FBN2: variants seen among roughly 807,000 people sequenced by gnomAD.
The protein encoded by FBN2 is fibrillin-2.
Under a neutral mutation model 355.6 loss-of-function variants are expected in FBN2, and 105 were observed. That is an observed-to-expected ratio of 0.30 (90% CI 0.25 to 0.35). The LOEUF (loss-of-function observed/expected upper bound fraction) is 0.35. FBN2 is among the 10% of genes least tolerant of loss of function. The pLI, the probability that FBN2 is intolerant of heterozygous loss-of-function variation, is 1.00. For missense variants in FBN2, 3,280 were observed against 3,758.7 expected (o/e 0.87, Z 3.33); for synonymous variants, 1,350 against 1,301.2 (o/e 1.04, Z -0.81).
chr5:128,500,078 C>T lies in FBN2; in HGVS notation c.628+19195G>A, dbSNP rs146840098. On this transcript the variant is annotated intron_variant, in intron 5 of 64. Coordinates refer to ENST00000262464, the MANE Select transcript of FBN2 (RefSeq NM_001999.4). ...TCAGCTGCAGTATCACAAACTATAT[C>T]ATCTTCGATTGGAAGCCCCTCCTCC... 1.7e-3 allele frequency among the ~76,000 whole-genome samples: 257 copies of T among 152,278 alleles called. 1 individual carries two copies. The highest frequency in any genetic ancestry group is 3.0e-3 in the Non-Finnish European group (207 of 68,022).
In FBN2 at chr5:128,277,932, T is replaced by C. The variant is rs769956474; in HGVS notation, c.7419A>G (p.Arg2473=). ...TGGTGTAGCCAACCTTGCAGAAGCA[T>C]CGGAATGAGCCCATGGTATTGATGC... ...GQCINTMGSF[R]CFCKVGYTTD... is the part of the protein sequence containing the mutation. Residue 2473 remains arginine (R), a synonymous_variant, in exon 58 of 65, where the codon CGA becomes CGG. Coordinates refer to ENST00000262464, the MANE Select transcript of FBN2 (RefSeq NM_001999.4). 1 of 1,614,096 alleles carries C rather than the reference T, an allele frequency of 6.2e-7. No homozygotes were observed. The highest frequency in any genetic ancestry group is 8.5e-7 in the Non-Finnish European group (1 of 1,179,986).
At chr5:128,363,154 T>C (rs559029469) in intron 18 of FBN2, among the ~76,000 whole-genome samples, 1 of 152,150 alleles carries the variant, frequency 6.6e-6, no homozygotes, top group Non-Finnish European at 1.5e-5. Context: ...CTTTCTCTCT[T>C]TCTTTCTCCA....
At chr5:128,531,881 A>G (rs1756719047) in intron 2 of FBN2, among the ~76,000 whole-genome samples, 1 of 152,156 alleles carries the variant, frequency 6.6e-6, no homozygotes. Flanking sequence ...AGGAAAAAAA[A>G]ATTGCATAAT....
chr5:128,406,376 A>G (rs1752928020), intron 8 of FBN2, among the ~76,000 whole-genome samples: 1 of 152,142 alleles, frequency 6.6e-6, no homozygotes, highest in Admixed American at 6.5e-5. Flanking sequence ...TTCATTCACA[A>G]TTTCATGGAT....
intron 5 of FBN2, among the ~76,000 whole-genome samples, chr5:128,518,912 G>T (rs1455626905): frequency 1.3e-5 from 2 of 152,144 alleles, no homozygotes; most frequent in African/African-American, 2.4e-5. Flanking sequence ...ATTTTGTGGG[G>T]TTTGCAGCCA....
chr5:128,429,409 G>C (rs1320538968), intron 7 of FBN2, among the ~76,000 whole-genome samples: 2 of 152,036 alleles, frequency 1.3e-5, no homozygotes, highest in African/African-American at 4.8e-5. Flanking sequence ...AAAAAAATCG[G>C]AAATGAAATT....
At chr5:128,341,116 G>A (rs1751007183) in intron 25 of FBN2, among the ~76,000 whole-genome samples, 1 of 152,212 alleles carries the variant, frequency 6.6e-6, no homozygotes, top group Non-Finnish European at 1.5e-5. Context: ...CTGCTGTGAA[G>A]ATGAGAGCCA....
chr5:128,381,242 GAA>G (rs752384115), intron 11 of FBN2, among the ~76,000 whole-genome samples: 28 of 151,976 alleles, frequency 1.8e-4, no homozygotes, highest in Admixed American at 1.3e-3. Flanking sequence ...GAATTCTCAA[GAA>G]AAAGAGAAAA....
chr5:128,272,069 G>A lies in FBN2; in HGVS notation c.7890C>T (p.Asn2630=). 10 of 1,614,078 alleles carry A rather than the reference G, an allele frequency of 6.2e-6. No individual in the cohort carries two copies. Among genetic ancestry groups the A allele is most frequent in the Non-Finnish European group, 8.5e-6 (10 of 1,179,972 alleles). The change falls in exon 62 of 65, where the codon AAC becomes AAT. Residue 2630 remains asparagine (N), a synonymous_variant. Transcript: ENST00000262464. ...AGCCACATCTGTAGCCACCCAGGATGTTCTGGCAGCCGTGTTGGCACCTGT... is the reference window on the plus strand; with the variant it reads ...AGCCACATCTGTAGCCACCCAGGATATTCTGGCAGCCGTGTTGGCACCTGT... ...GNHRCQHGCQ[N]ILGGYRCGCP...
chr5:128,514,098 G>C lies in FBN2; in HGVS notation c.628+5175C>G, dbSNP rs925786062. On this transcript the variant is annotated intron_variant, in intron 5 of 64. Transcript: ENST00000262464. The stretch of plus-strand genomic sequence containing the variant: ...CTGCAGTTGGTAACATTCTCTCTCT[G>C]CTTATTGTAATTTTCATTCTACTAA... Among the ~76,000 whole-genome samples, 3 of 151,982 alleles carry C rather than the reference G, an allele frequency of 2.0e-5. No homozygotes were observed. In the East Asian group the frequency reaches 5.8e-4, roughly 29 times the overall value.
intron 2 of FBN2, among the ~76,000 whole-genome samples, chr5:128,531,285 T>C (rs1398509891): frequency 1.3e-5 from 2 of 152,160 alleles, no homozygotes; most frequent in African/African-American, 4.8e-5. Flanking sequence ...TGGAGACTTA[T>C]TATTCTAAGT....
chr5:128,367,420 T>C (rs1482051332), intron 16 of FBN2, among the ~76,000 whole-genome samples: 1 of 152,148 alleles, frequency 6.6e-6, no homozygotes, highest in Non-Finnish European at 1.5e-5. Context: ...AAATCCTGTT[T>C]ATGTACACTG....
rs367867617 is a variant in FBN2, at chr5:128,510,020, C to A, written c.628+9253G>T. ...ATTCTGCTGAAAACTTGAGAGACAGCCTCTGTAGATGTCACAAGTTCTCTC... is the reference window on the plus strand; with the variant it reads ...ATTCTGCTGAAAACTTGAGAGACAGACTCTGTAGATGTCACAAGTTCTCTC... On this transcript the variant is annotated intron_variant, in intron 5 of 64. Coordinates refer to ENST00000262464, the MANE Select transcript of FBN2 (RefSeq NM_001999.4). 5.3e-5 allele frequency among the ~76,000 whole-genome samples: 8 copies of A among 152,262 alleles called. No individual in the cohort carries two copies. In the East Asian group the frequency reaches 9.7e-4, roughly 18 times the overall value.
intron 11 of FBN2, among the ~76,000 whole-genome samples, chr5:128,387,275 G>C (rs186010069): frequency 2.0e-5 from 3 of 152,052 alleles, no homozygotes; most frequent in African/African-American, 7.2e-5. Context: ...AGGTGTCTCA[G>C]GATTTCTGTA....
intron 2 of FBN2, among the ~76,000 whole-genome samples, chr5:128,534,361 A>T (rs1348645011): frequency 6.6e-6 from 1 of 152,214 alleles, no homozygotes; most frequent in Non-Finnish European, 1.5e-5. Flanking sequence ...TTTAAATGTC[A>T]GACTAATTGA....
At chr5:128,527,270 G>T (rs1756587035) in intron 4 of FBN2, among the ~76,000 whole-genome samples, 1 of 152,122 alleles carries the variant, frequency 6.6e-6, no homozygotes, top group African/African-American at 2.4e-5. Context: ...CTTGCTAAAA[G>T]GTTATTTCTT....
At chr5:128,343,096 C>T (rs954100679) in intron 25 of FBN2, among the ~76,000 whole-genome samples, 9 of 152,026 alleles carry the variant, frequency 5.9e-5, no homozygotes, top group Non-Finnish European at 1.2e-4. Flanking sequence ...GATTTATTCT[C>T]AATGAAGGAG....
chr5:128,316,197 A>G (rs1750196207), intron 36 of FBN2, among the ~76,000 whole-genome samples: 1 of 152,204 alleles, frequency 6.6e-6, no homozygotes, highest in South Asian at 2.1e-4. Context: ...AAGGATGATA[A>G]AACAGTGACA....
At chr5:128,536,285 C>T in intron 2 of FBN2, 117 bp downstream of exon 2, 1 of 785,592 alleles carries the variant, frequency 1.3e-6, no homozygotes, top group African/African-American at 1.7e-5. Context: ...ATTATCAGTG[C>T]AATGTGATCA....
Sources: gnomAD v4.1 joint callset for allele counts (sites outside exome capture counted in the v4.1 genomes callset) on GRCh38, gnomAD v4.1.1 for gene constraint, MANE v1.5 for transcripts, NCBI Gene and HGNC (gene_info 2026-07-23, HGNC 2026-07-21) for gene names.